The following MACROD2 variants were observed in gnomAD, a reference collection of about 807,000 sequenced individuals.
The protein encoded by MACROD2 is ADP-ribose glycohydrolase MACROD2.
In MACROD2, 36 loss-of-function variants were observed where a neutral mutation model predicts 70.4. The observed-to-expected ratio is 0.51, with a 90% CI of 0.39 to 0.68. The LOEUF is 0.68. MACROD2 is among the 30% of genes least tolerant of loss of function. MACROD2 has a pLI of 0.00. For synonymous variants in MACROD2, 172 were observed against 178.8 expected (o/e 0.96, Z 0.30); for missense variants, 496 against 538.4 (o/e 0.92, Z 0.78).
chr20:15,561,944 T>C (rs2048250323), intron 8 of MACROD2, among the ~76,000 whole-genome samples: 1 of 152,132 alleles, frequency 6.6e-6, no homozygotes, highest in African/African-American at 2.4e-5. Flanking sequence ...GAGAACTCTT[T>C]GCTGCTTTGT....
At chr20:15,832,210 C>G (rs747843576) in intron 8 of MACROD2, among the ~76,000 whole-genome samples, 4 of 152,082 alleles carry the variant, frequency 2.6e-5, no homozygotes, top group East Asian at 1.9e-4. Flanking sequence ...ATGTGTCTCT[C>G]TGCGTGTGTG....
chr20:14,411,373 G>A (rs2083747435), intron 3 of MACROD2, among the ~76,000 whole-genome samples: 4 of 152,024 alleles, frequency 2.6e-5, no homozygotes, highest in Admixed American at 6.6e-5. Context: ...CCTGCTCCCA[G>A]CTGAATTCCC....
At chr20:14,412,158 G>C (rs1305865243) in intron 3 of MACROD2, among the ~76,000 whole-genome samples, 1 of 152,126 alleles carries the variant, frequency 6.6e-6, no homozygotes, top group African/African-American at 2.4e-5. Flanking sequence ...GTTTAGCCCA[G>C]TGAAGGATGA....
At chr20:15,435,459 A>G (rs1384938038) in intron 7 of MACROD2, among the ~76,000 whole-genome samples, 1 of 152,050 alleles carries the variant, frequency 6.6e-6, no homozygotes, top group African/African-American at 2.4e-5. Flanking sequence ...TGAAATACCA[A>G]ACTGTTTTCT....
At chr20:15,998,052 A>AC (rs2066656560) in intron 15 of MACROD2, among the ~76,000 whole-genome samples, 1 of 152,152 alleles carries the variant, frequency 6.6e-6, no homozygotes, top group Non-Finnish European at 1.5e-5. Flanking sequence ...AAATCCCTCC[A>AC]TCCTTCTAAA....
At chr20:14,586,101 A>T (rs1568684654) in intron 4 of MACROD2, among the ~76,000 whole-genome samples, 1 of 152,074 alleles carries the variant, frequency 6.6e-6, no homozygotes, top group Admixed American at 6.6e-5. Context: ...AGAAAATAGG[A>T]GAAGATTCAT....
intron 7 of MACROD2, among the ~76,000 whole-genome samples, chr20:15,454,355 C>A (rs937129722): frequency 2.0e-5 from 3 of 151,380 alleles, no homozygotes; most frequent in African/African-American, 7.3e-5. Flanking sequence ...ACTGCCTTCC[C>A]CTCTCATGTT....
intron 2 of MACROD2, among the ~76,000 whole-genome samples, chr20:14,061,769 G>T (rs142059938): frequency 6.6e-6 from 1 of 152,098 alleles, no homozygotes; most frequent in African/African-American, 2.4e-5. Context: ...GGAGAAGCTC[G>T]TGAAGACACA....
intron 5 of MACROD2, among the ~76,000 whole-genome samples, chr20:15,218,186 A>T (rs913727347): frequency 1.3e-5 from 2 of 152,202 alleles, no homozygotes; most frequent in Non-Finnish European, 2.9e-5. Flanking sequence ...AGACCTGACA[A>T]GCACTGCAGT....
intron 6 of MACROD2, among the ~76,000 whole-genome samples, chr20:15,370,172 A>G (rs2045472145): frequency 6.6e-6 from 1 of 152,130 alleles, no homozygotes; most frequent in South Asian, 2.1e-4. Context: ...TTGGGGATGA[A>G]GCCACTGTGA....
At chr20:14,408,989 G>A (rs975716998) in intron 3 of MACROD2, among the ~76,000 whole-genome samples, 2 of 152,000 alleles carry the variant, frequency 1.3e-5, no homozygotes, top group African/African-American at 2.4e-5. Flanking sequence ...CTTCACTCCT[G>A]CTGCAACTCT....
At chr20:14,631,057 T>A (rs1984480462) in intron 4 of MACROD2, among the ~76,000 whole-genome samples, 1 of 152,208 alleles carries the variant, frequency 6.6e-6, no homozygotes, top group Admixed American at 6.5e-5. Context: ...TTTTAATATT[T>A]TTTAAAAGAA....
chr20:15,502,918 G>A (rs565785230), intron 8 of MACROD2, among the ~76,000 whole-genome samples: 79 of 152,228 alleles, frequency 5.2e-4, no homozygotes, highest in African/African-American at 1.8e-3. Flanking sequence ...TCTATCACAT[G>A]ACAAGAAAAG....
chr20:15,103,548 C>A (rs946826319), intron 5 of MACROD2, among the ~76,000 whole-genome samples: 8 of 152,108 alleles, frequency 5.3e-5, no homozygotes, highest in African/African-American at 1.9e-4. Context: ...GAAGAAAATT[C>A]TGTTGGACCA....
chr20:14,398,591 T>C (rs2083605141), intron 3 of MACROD2, among the ~76,000 whole-genome samples: 1 of 152,186 alleles, frequency 6.6e-6, no homozygotes, highest in South Asian at 2.1e-4. Context: ...TTAGATTCTT[T>C]GCCCATTTAC....
At chr20:14,266,037 A>G (rs1202425176) in intron 3 of MACROD2, among the ~76,000 whole-genome samples, 1 of 152,106 alleles carries the variant, frequency 6.6e-6, no homozygotes, top group Non-Finnish European at 1.5e-5. Context: ...TGGCCTCCCA[A>G]AGTGCTGGGA....
intron 8 of MACROD2, among the ~76,000 whole-genome samples, chr20:15,665,977 T>C (rs1361873616): frequency 8.2e-6 from 1 of 122,094 alleles, no homozygotes; most frequent in Non-Finnish European, 1.7e-5. Flanking sequence ...TTTCATGCTG[T>C]AGAGAAAATA....
Position 14,681,663 on chromosome 20 carries a change from A to G in MACROD2, c.302-3180A>G, listed in dbSNP as rs192600902. On this transcript the variant is annotated intron_variant, in intron 4 of 17. Transcript: ENST00000684519. ...AAGGTTTTGTATCTTTATTAGCATC[A>G]TGGTTACATAAATGCACACAGTTGT... is the stretch of plus-strand genomic sequence containing the variant. 7.2e-5 allele frequency among the ~76,000 whole-genome samples: 11 copies of G among 152,282 alleles called. No homozygotes were observed. In the East Asian group the frequency reaches 2.1e-3, roughly 29 times the overall value.
chr20:14,547,567 G>T lies in MACROD2; in HGVS notation c.301+54059G>T, dbSNP rs529338476. The T allele has an allele frequency of 9.0e-5, 14 of 154,732 alleles. No homozygotes were observed. The Middle Eastern group carries it at 6.6e-3, about 72-fold the overall frequency. The allele number at this position is 154,732 out of a possible 1,614,324, so 9.6% of individuals were successfully genotyped here. ...TGGCTCCTGATCTGGCTGTCTCCTC[G>T]CCAGAGCTAGCCTGGTGGGACTGAG... On this transcript the variant is annotated intron_variant, in intron 4 of 17. Coordinates refer to ENST00000684519, the MANE Select transcript of MACROD2 (RefSeq NM_001351661.2).
Sources: allele counts gnomAD v4.1 joint callset (sites outside exome capture counted in the v4.1 genomes callset), GRCh38; gene constraint gnomAD v4.1.1; transcripts MANE v1.5; gene names NCBI Gene and HGNC (gene_info 2026-07-23, HGNC 2026-07-21).